The following LRP12 variants were observed in gnomAD, a reference collection of about 807,000 sequenced individuals.
The protein encoded by LRP12 is LDL receptor related protein 12.
Under a neutral mutation model 66.0 loss-of-function variants are expected in LRP12, and 14 were observed. The ratio of observed to expected loss-of-function variants is 0.21; its 90% CI spans 0.14 to 0.33. LRP12 has a LOEUF of 0.33. Ranked by LOEUF, LRP12 falls within the 10% of genes least tolerant of loss-of-function variation. The pLI is 1.00. For synonymous variants in LRP12, 357 were observed against 359.1 expected (o/e 0.99, Z 0.07); for missense variants, 889 against 1,053.4 (o/e 0.84, Z 2.16).
chr8:104,501,449 T>C (rs1304322248), intron 3 of LRP12, among the ~76,000 whole-genome samples: 1 of 151,582 alleles, frequency 6.6e-6, no homozygotes, highest in African/African-American at 2.4e-5. Flanking sequence ...CCTGTAATCC[T>C]AGAACTTTGG....
chr8:104,521,863 A>G (rs975106991), intron 2 of LRP12, among the ~76,000 whole-genome samples: 5 of 151,982 alleles, frequency 3.3e-5, no homozygotes, highest in African/African-American at 9.7e-5. Context: ...CTTTAACAAG[A>G]GGTCCAGGTA....
At chr8:104,532,035 A>C in intron 1 of LRP12, 72 bp from the exon 2 acceptor site, 2 of 878,456 alleles carry the variant, frequency 2.3e-6, no homozygotes, top group African/African-American at 1.7e-5. Context: ...CCTCCCTTTA[A>C]AAGAGAAACA....
intron 2 of LRP12, among the ~76,000 whole-genome samples, chr8:104,524,750 G>C (rs1811204579): frequency 6.6e-6 from 1 of 152,008 alleles, no homozygotes; most frequent in African/African-American, 2.4e-5. Flanking sequence ...TAATCTTTTT[G>C]CTTTTTTCTA....
chr8:104,495,435 GATCACTGAGTTTTAATAAATGAAA>G (rs1429960297), intron 5 of LRP12: 1 of 411,996 alleles, frequency 2.4e-6, no homozygotes, highest in African/African-American at 2.0e-5. Context: ...TAGAAGCCTA[GATCACTGAGTTTTAATAAATGAAA>G]ATCCCTGTAA....
intron 2 of LRP12, among the ~76,000 whole-genome samples, chr8:104,512,681 T>C (rs998564098): frequency 3.9e-5 from 6 of 152,150 alleles, no homozygotes; most frequent in African/African-American, 1.2e-4. Flanking sequence ...AAGAATTTTA[T>C]TAGGTTTTGT....
chr8:104,523,068 A>G (rs1443452318), intron 2 of LRP12, among the ~76,000 whole-genome samples: 1 of 152,188 alleles, frequency 6.6e-6, no homozygotes, highest in Non-Finnish European at 1.5e-5. Context: ...TCAGAAATGT[A>G]TGCTAAGGAA....
chr8:104,573,970 C>A lies in LRP12; in HGVS notation c.79+14849G>T, dbSNP rs138673168. 3.9e-3 allele frequency among the ~76,000 whole-genome samples: 588 copies of A among 152,070 alleles called. 4 individuals carry two copies. The highest frequency in any genetic ancestry group is 0.013 in the African/African-American group (543 of 41,488). ...AATATATCATTAGCAAGGTGGTATG[C>A]CCTATGAATGAATGCAAAAATGATT... On this transcript the variant is annotated intron_variant, in intron 1 of 6. Transcript: ENST00000276654.
At position 104,561,193 on chromosome 8, in the gene LRP12, A is replaced by G. The variant is rs532904673; in HGVS notation, c.79+27626T>C. Among the ~76,000 whole-genome samples, 44 of 152,366 alleles carry G rather than the reference A, an allele frequency of 2.9e-4. No homozygotes were observed. The East Asian group carries it at 6.9e-3, about 24-fold the overall frequency. Reference sequence around the variant, plus strand: ...ACAGTCATTAGGTAGAATTTGACTGAAAGGCCGTGTTTTGCCAAACCCTGC... The same window carrying G: ...ACAGTCATTAGGTAGAATTTGACTGGAAGGCCGTGTTTTGCCAAACCCTGC... On this transcript the variant is annotated intron_variant, in intron 1 of 6. Transcript: ENST00000276654.
At chr8:104,542,247 T>A in intron 1 of LRP12, among the ~76,000 whole-genome samples, 1 of 152,214 alleles carries the variant, frequency 6.6e-6, no homozygotes, top group East Asian at 1.9e-4. Flanking sequence ...TAATGAGTAA[T>A]AATGTGGCTC....
intron 2 of LRP12, among the ~76,000 whole-genome samples, chr8:104,512,732 G>T (rs1811016592): frequency 6.6e-6 from 1 of 152,014 alleles, no homozygotes; most frequent in African/African-American, 2.4e-5. Flanking sequence ...ACCCATAGGT[G>T]GTGCTCTTAT....
chr8:104,526,768 A>G (rs1441438400), intron 2 of LRP12, among the ~76,000 whole-genome samples: 3 of 148,202 alleles, frequency 2.0e-5, no homozygotes, highest in East Asian at 1.9e-4. Context: ...GGACATAGGC[A>G]TGGGCAAGGA....
chr8:104,500,160 T>C (rs1000432765), intron 3 of LRP12, among the ~76,000 whole-genome samples: 5 of 152,042 alleles, frequency 3.3e-5, no homozygotes, highest in Admixed American at 6.6e-5. Flanking sequence ...AATAAATAAA[T>C]GCACACAGAA....
chr8:104,497,194 G>A lies in LRP12; in HGVS notation c.1358C>T (p.Pro453Leu), dbSNP rs1564129019. 1 of 1,610,566 alleles carries A rather than the reference G, an allele frequency of 6.2e-7. No individual in the cohort carries two copies. Among genetic ancestry groups the A allele is most frequent in the Non-Finnish European group, 8.5e-7 (1 of 1,178,364 alleles). Reference protein sequence around the residue: ...SDEKNCFFCQPGNFHCKNNRC... With the variant: ...SDEKNCFFCQLGNFHCKNNRC... ...ATTGTTTTTACAATGGAAATTTCCT[G>A]GTTGGCAAAAAAAGCAGTTTTTTTC... Residue 453 changes from proline (P) to leucine (L), a missense_variant, in exon 5 of 7, where the codon CCA (proline) becomes CTA (leucine). Transcript: ENST00000276654. This position sits in a 1 kb window ranked among gnomAD's most constrained non-coding sequence, Gnocchi z 4.3.
chr8:104,502,680 G>A (rs1355999332), intron 3 of LRP12, among the ~76,000 whole-genome samples: 2 of 152,152 alleles, frequency 1.3e-5, no homozygotes, highest in Admixed American at 6.5e-5. Context: ...GTTTTTGCCA[G>A]TTTTTTATTA....
chr8:104,573,479 C>T (rs964957426), intron 1 of LRP12, among the ~76,000 whole-genome samples: 1 of 152,066 alleles, frequency 6.6e-6, no homozygotes, highest in African/African-American at 2.4e-5. Context: ...CTTACTTAAT[C>T]CTATAGCTGA....
intron 1 of LRP12, among the ~76,000 whole-genome samples, chr8:104,586,075 C>T (rs1812326787): frequency 6.6e-6 from 1 of 152,232 alleles, no homozygotes; most frequent in Admixed American, 6.5e-5. Context: ...AACCTTTACT[C>T]TCTCCTAACT....
intron 1 of LRP12, among the ~76,000 whole-genome samples, chr8:104,587,321 G>A (rs1812349287): frequency 6.6e-6 from 1 of 152,048 alleles, no homozygotes; most frequent in Admixed American, 6.6e-5. Flanking sequence ...CACCTTCAGG[G>A]CAGAAGAAAC....
rs1158799587 is a variant in LRP12 at position 104,490,220 on chromosome 8, A to C, written c.*453T>G. The stretch of plus-strand genomic sequence containing the variant: ...ACAAATGAAAACGCAGGTGAGTATA[A>C]GGGTTTTTTTTTTGTACATTAACAA... On this transcript the variant is annotated 3_prime_UTR_variant, in exon 7 of 7. Coordinates refer to ENST00000276654, the MANE Select transcript of LRP12 (RefSeq NM_013437.5). 1 of 151,536 alleles carries C rather than the reference A, an allele frequency of 6.6e-6. No homozygotes were observed. The highest frequency in any genetic ancestry group is 1.5e-5 in the Non-Finnish European group (1 of 68,690). 9.4% of individuals were successfully genotyped at this position (151,536 alleles called of 1,614,324 possible). A position where few individuals can be genotyped will look rare whatever the true frequency, so the allele number is the denominator to read the frequency against.
intron 2 of LRP12, among the ~76,000 whole-genome samples, chr8:104,526,238 T>C (rs1213005362): frequency 2.6e-5 from 4 of 152,028 alleles, no homozygotes; most frequent in African/African-American, 9.7e-5. Context: ...ATCAATATCA[T>C]GAAAATGGCC....
Sources: gnomAD v4.1 joint callset for allele counts (sites outside exome capture counted in the v4.1 genomes callset) on GRCh38, gnomAD v4.1.1 for gene constraint, Gnocchi (gnomAD v3.1) non-coding constraint, MANE v1.5 for transcripts, NCBI Gene and HGNC (gene_info 2026-07-23, HGNC 2026-07-21) for gene names.